Variants in NALCN observed in about 807,000 individuals in gnomAD.
NALCN encodes the protein sodium leak channel, non-selective, also known as sodium leak channel NALCN.
Under a neutral mutation model 225.3 loss-of-function variants are expected in NALCN, and 111 were observed. That is an observed-to-expected ratio of 0.49 (90% CI 0.42 to 0.58). The LOEUF (loss-of-function observed/expected upper bound fraction) is 0.58. Among genes scored for constraint, NALCN ranks in the 20% least tolerant of loss-of-function variants. The pLI is 0.00. For missense variants in NALCN, 1,378 were observed against 2,202.4 expected (o/e 0.63, Z 7.49); for synonymous variants, 764 against 769.0 (o/e 0.99, Z 0.11).
chr13:101,323,225 A>G (rs1383614643), intron 7 of NALCN, among the ~76,000 whole-genome samples: 2 of 152,226 alleles, frequency 1.3e-5, no homozygotes, highest in Non-Finnish European at 2.9e-5. Flanking sequence ...TTAATTTGGA[A>G]TAGTAGGTAG....
chr13:101,384,463 C>G (rs2046932405), intron 3 of NALCN, among the ~76,000 whole-genome samples: 1 of 151,960 alleles, frequency 6.6e-6, no homozygotes, highest in Non-Finnish European at 1.5e-5. Context: ...AAAGGAAACA[C>G]ATTTATAGGG....
chr13:101,065,924 TG>T (rs1211348564), intron 39 of NALCN, among the ~76,000 whole-genome samples: 2 of 152,118 alleles, frequency 1.3e-5, no homozygotes, highest in South Asian at 2.1e-4. Flanking sequence ...ATGCACTGAG[TG>T]GGCCATAATG....
chr13:101,077,269 T>C (rs1043805601), intron 34 of NALCN, among the ~76,000 whole-genome samples: 2 of 152,166 alleles, frequency 1.3e-5, no homozygotes, highest in African/African-American at 4.8e-5. Flanking sequence ...ACTAACACAG[T>C]AAATTCGTAC....
intron 6 of NALCN, among the ~76,000 whole-genome samples, chr13:101,372,761 T>C (rs1024455336): frequency 6.6e-6 from 1 of 151,984 alleles, no homozygotes; most frequent in Non-Finnish European, 1.5e-5. Flanking sequence ...TTAAAAGATG[T>C]CTATATACCT....
At chr13:101,116,369 C>T (rs1478655877) in intron 18 of NALCN, 1 of 276,966 alleles carries the variant, frequency 3.6e-6, no homozygotes, top group Non-Finnish European at 7.2e-6. Flanking sequence ...AGAATCATGT[C>T]TTGAAATTGT....
chr13:101,235,674 A>AG (rs1284213451), intron 12 of NALCN, among the ~76,000 whole-genome samples: 1 of 152,180 alleles, frequency 6.6e-6, no homozygotes. Flanking sequence ...AAATGAGGAG[A>AG]GATTTACATC....
At chr13:101,277,028 G>A (rs1007871919) in intron 10 of NALCN, among the ~76,000 whole-genome samples, 11 of 151,624 alleles carry the variant, frequency 7.3e-5, no homozygotes, top group Admixed American at 6.6e-4. Flanking sequence ...ATATAAAAAC[G>A]TGTGTATATA....
rs117240886 is a variant in NALCN at position 101,187,556 on chromosome 13, T to C, written c.1764+4361A>G. On this transcript the variant is annotated intron_variant, in intron 14 of 43. Transcript: ENST00000251127. ...TATCCAATAAATGAGTTAAGACAAATTTGTTTTTAGGAAAATAGGTAAAGC... is the reference window on the plus strand; with the variant it reads ...TATCCAATAAATGAGTTAAGACAAACTTGTTTTTAGGAAAATAGGTAAAGC... 7.6e-4 allele frequency among the ~76,000 whole-genome samples: 115 copies of C among 152,234 alleles called. 1 individual carries two copies. The East Asian group carries it at 0.022, about 29-fold the overall frequency.
chr13:101,394,914 G>A (rs982722292), intron 3 of NALCN, among the ~76,000 whole-genome samples: 1 of 152,110 alleles, frequency 6.6e-6, no homozygotes, highest in Non-Finnish European at 1.5e-5. Context: ...AACCCTACTC[G>A]AGACTTCACA....
At chr13:101,326,672 T>G (rs2044962817) in intron 7 of NALCN, among the ~76,000 whole-genome samples, 1 of 151,870 alleles carries the variant, frequency 6.6e-6, no homozygotes, top group African/African-American at 2.4e-5. Flanking sequence ...AAAATGAGGG[T>G]TTTTCAATGA....
chr13:101,394,699 C>T (rs1302664548), intron 3 of NALCN, among the ~76,000 whole-genome samples: 3 of 152,124 alleles, frequency 2.0e-5, no homozygotes. Flanking sequence ...TGGCCCCAGA[C>T]ATTTTTTCCA....
intron 11 of NALCN, among the ~76,000 whole-genome samples, chr13:101,254,370 CAA>C (rs66465051): frequency 9.3e-4 from 63 of 68,026 alleles, no homozygotes; most frequent in South Asian, 1.3e-3. Flanking sequence ...GGGACTGTCT[CAA>C]AAAAAAAAAA....
chr13:101,091,276 A>AT (rs985532142), intron 28 of NALCN, among the ~76,000 whole-genome samples: 11 of 152,036 alleles, frequency 7.2e-5, no homozygotes, highest in African/African-American at 2.2e-4. Context: ...TATTTTGATC[A>AT]TTTTTTCCCC....
intron 40 of NALCN, 107 bp downstream of exon 40, chr13:101,065,297 G>A (rs1390350443): frequency 1.7e-6 from 2 of 1,200,670 alleles, no homozygotes; most frequent in Non-Finnish European, 2.4e-6. Context: ...CAGCAGATGT[G>A]GCATTTTGGG....
At chr13:101,329,856 T>C (rs2139229103) in intron 7 of NALCN, among the ~76,000 whole-genome samples, 1 of 151,778 alleles carries the variant, frequency 6.6e-6, no homozygotes, top group African/African-American at 2.4e-5. Flanking sequence ...CTGGCCGAAA[T>C]GGTGAAACCC....
intron 27 of NALCN, among the ~76,000 whole-genome samples, chr13:101,096,687 T>A (rs2034524875): frequency 6.6e-6 from 1 of 152,170 alleles, no homozygotes; most frequent in African/African-American, 2.4e-5. Flanking sequence ...AACCATTGAA[T>A]TGAACACTTG....
At chr13:101,058,151 G>C (rs920906114) in intron 42 of NALCN, 95 bp from the exon 43 acceptor site, 1 of 1,047,576 alleles carries the variant, frequency 9.5e-7, no homozygotes, top group Non-Finnish European at 1.4e-6. Flanking sequence ...AGGAGGACAA[G>C]TGGGAAGAAC....
intron 1 of NALCN, among the ~76,000 whole-genome samples, chr13:101,406,281 A>G (rs914862172): frequency 6.6e-6 from 1 of 152,118 alleles, no homozygotes; most frequent in African/African-American, 2.4e-5. Context: ...AGCCAAGATC[A>G]TACTACTGCC....
intron 7 of NALCN, among the ~76,000 whole-genome samples, chr13:101,312,339 G>T (rs1452955353): frequency 2.6e-5 from 4 of 152,078 alleles, no homozygotes; most frequent in Non-Finnish European, 4.4e-5. Context: ...TTTTTGAAAG[G>T]TTTTTTGTGT....
Sources: allele counts gnomAD v4.1 joint callset (sites outside exome capture counted in the v4.1 genomes callset), GRCh38; gene constraint gnomAD v4.1.1; transcripts MANE v1.5; gene names NCBI Gene and HGNC (gene_info 2026-07-23, HGNC 2026-07-21).